Variants in VPS4A observed in about 807,000 individuals in gnomAD.
The protein encoded by VPS4A is vacuolar protein sorting-associated protein 4A.
VPS4A carries 20 observed loss-of-function variants against 52.3 expected under a neutral mutation model. The observed-to-expected ratio is 0.38, with a 90% CI of 0.27 to 0.56. VPS4A has a LOEUF of 0.56. Ranked by LOEUF, VPS4A falls within the 20% of genes least tolerant of loss-of-function variation. VPS4A has a pLI of 0.72. For missense variants in VPS4A, 419 were observed against 575.9 expected (o/e 0.73, Z 2.79); for synonymous variants, 293 against 227.7 (o/e 1.29, Z -2.58).
chr16:69,314,159 G>A (rs984275287), intron 1 of VPS4A, among the ~76,000 whole-genome samples: 4 of 151,906 alleles, frequency 2.6e-5, no homozygotes, highest in Non-Finnish European at 4.4e-5. Context: ...TAGAGATGGT[G>A]CTTCACTGTG....
intron 10 of VPS4A, chr16:69,323,603 G>A (rs1038870868): frequency 1.3e-5 from 6 of 455,766 alleles, no homozygotes; most frequent in Admixed American, 4.7e-5. Flanking sequence ...AGCCTGGCCC[G>A]TGCCATCCTG....
chr16:69,323,186 TG>T (rs1326547825), intron 10 of VPS4A: 1 of 162,950 alleles, frequency 6.1e-6, no homozygotes, highest in African/African-American at 2.4e-5. Flanking sequence ...ATTAGCATTT[TG>T]TACATACAGA....
At chr16:69,312,415 A>T (rs2051974565) in intron 1 of VPS4A, among the ~76,000 whole-genome samples, 1 of 152,012 alleles carries the variant, frequency 6.6e-6, no homozygotes, top group South Asian at 2.1e-4. Flanking sequence ...AGAGACCTGG[A>T]GGTGGAGGAG....
rs373049190 is a variant in VPS4A, at chr16:69,325,951, C to G, written c.*1642C>G. 5 of 152,558 alleles carry G rather than the reference C, an allele frequency of 3.3e-5. No individual in the cohort carries two copies. The highest frequency in any genetic ancestry group is 1.2e-4 in the African/African-American group (5 of 41,428). 9.5% of individuals were successfully genotyped at this position (152,558 alleles called of 1,614,324 possible). On this transcript the variant is annotated 3_prime_UTR_variant, in exon 11 of 11. Transcript: ENST00000254950. Reference sequence around the variant, plus strand: ...TTTCAGTTTGCGACCCCCAACAGACCAAGGACCCAGAGCTGGCAGCCCTGG... The same window carrying G: ...TTTCAGTTTGCGACCCCCAACAGACGAAGGACCCAGAGCTGGCAGCCCTGG...
In VPS4A at chr16:69,320,833, G is replaced by A; in HGVS notation, c.851+64G>A. On this transcript the variant is annotated intron_variant, in intron 8 of 10. Transcript: ENST00000254950. The surrounding 1 kb of genome is among the most constrained non-coding windows in gnomAD (Gnocchi z 4.2). ...CTCCCACCATGGTCACGGTCCGCCT[G>A]CTGCTGGCAGCCCGGGTGCAGCCTG... The A allele has an allele frequency of 4.0e-6, 6 of 1,496,522 alleles. No homozygotes were observed. Among genetic ancestry groups the A allele is most frequent in the Non-Finnish European group, 3.6e-6 (4 of 1,097,328 alleles). 92.7% of individuals were successfully genotyped at this position (1,496,522 alleles called of 1,614,324 possible). A position where few individuals can be genotyped will look rare whatever the true frequency, so the allele number is the denominator to read the frequency against.
At chr16:69,324,161 G>T in intron 10 of VPS4A, 47 bp from the exon 11 acceptor site, 1 of 1,586,542 alleles carries the variant, frequency 6.3e-7, no homozygotes, top group Non-Finnish European at 8.6e-7. Context: ...GGAGGTTGGG[G>T]ACCTGGAGCC....
Position 69,321,784 on chromosome 16 carries a change from A to C in VPS4A, c.1071+514A>C, listed in dbSNP as rs1473573241. On this transcript the variant is annotated intron_variant, in intron 9 of 10. Transcript: ENST00000254950. This position sits in a 1 kb window ranked among gnomAD's most constrained non-coding sequence, Gnocchi z 4.5. ...AGTCAGTGAGTGTCTCAGAGGATGG[A>C]GATGGAGCAGGGTTAGGAGAGAGGT... The C allele has an allele frequency of 5.7e-6, 1 of 176,618 alleles. No individual in the cohort carries two copies. Among genetic ancestry groups the C allele is most frequent in the East Asian group, 1.6e-4 (1 of 6,424 alleles). 10.9% of individuals were successfully genotyped at this position (176,618 alleles called of 1,614,324 possible).
chr16:69,322,836 A>T (rs999505139), intron 10 of VPS4A, 136 bp downstream of exon 10: 1 of 1,115,058 alleles, frequency 9.0e-7, no homozygotes. Flanking sequence ...TTGGGAGGCC[A>T]GGGTGGGCAG....
At chr16:69,323,965 AGAAAG>A (rs1567425674) in intron 10 of VPS4A, among the ~76,000 whole-genome samples, 82 of 151,106 alleles carry the variant, frequency 5.4e-4, no homozygotes, top group African/African-American at 1.9e-3. Flanking sequence ...AAAAAAAAAA[AGAAAG>A]CAAGTTCGTA....
At position 69,320,394 on chromosome 16, in the gene VPS4A, G is replaced by C; in HGVS notation, c.769+105G>C. ...ATTTGGTTGTTCTCAGCCTCGGAGA[G>C]GCACTCCCCAGCTCCAGCCCCTCAG... On this transcript the variant is annotated intron_variant, in intron 7 of 10. Transcript: ENST00000254950. This position sits in a 1 kb window ranked among gnomAD's most constrained non-coding sequence, Gnocchi z 4.2. 1.3e-6 allele frequency: 2 copies of C among 1,503,268 alleles called. No individual in the cohort carries two copies. The highest frequency in any genetic ancestry group is 1.8e-6 in the Non-Finnish European group (2 of 1,110,086). The allele number at this position is 1,503,268 out of a possible 1,614,324, so 93.1% of individuals were successfully genotyped here.
intron 10 of VPS4A, 102 bp from the exon 11 acceptor site, chr16:69,324,106 G>T: frequency 8.0e-7 from 1 of 1,248,648 alleles, no homozygotes; most frequent in Non-Finnish European, 1.1e-6. Context: ...TGGCCTTGAA[G>T]GCAAACCTCT....
chr16:69,317,801 A>C (rs1419485978), intron 3 of VPS4A, among the ~76,000 whole-genome samples: 1 of 151,764 alleles, frequency 6.6e-6, no homozygotes, highest in East Asian at 1.9e-4. Context: ...TTAAAAAAAA[A>C]ATTAGCCAGG....
Position 69,326,470 on chromosome 16 carries a change from C to CT in VPS4A, c.*2163dup, listed in dbSNP as rs1965597555. The CT allele has an allele frequency of 6.6e-6, 1 of 152,230 alleles. No individual in the cohort carries two copies. The highest frequency in any genetic ancestry group is 2.4e-5 in the African/African-American group (1 of 41,458). 9.4% of individuals were successfully genotyped at this position (152,230 alleles called of 1,614,324 possible). Reference sequence around the variant, plus strand: ...AAATTTTTACTTCTAGTTACATTTACTTGAATCAGAACGTTGTTTCCTCAT... The same window carrying CT: ...AAATTTTTACTTCTAGTTACATTTACTTTGAATCAGAACGTTGTTTCCTCAT... On this transcript the variant is annotated 3_prime_UTR_variant, in exon 11 of 11. Transcript: ENST00000254950.
At chr16:69,311,692 C>G (rs1268700094) in intron 1 of VPS4A, among the ~76,000 whole-genome samples, 160 bp downstream of exon 1, 2 of 152,048 alleles carry the variant, frequency 1.3e-5, no homozygotes, top group African/African-American at 2.4e-5. Flanking sequence ...GTGTCTGTTT[C>G]CACGCGCTCG....
chr16:69,324,086 G>A (rs1965551893), intron 10 of VPS4A, 122 bp from the exon 11 acceptor site: 2 of 876,546 alleles, frequency 2.3e-6, no homozygotes, highest in Non-Finnish European at 1.8e-6. Context: ...ATTCAAGCAG[G>A]CCTCTGGGGT....
At position 69,315,866 on chromosome 16, in the gene VPS4A, A is replaced by G. The variant is rs1012589395; in HGVS notation, c.22-142A>G. 3 of 668,220 alleles carry G rather than the reference A, an allele frequency of 4.5e-6. No individual in the cohort carries two copies. The African/African-American group carries it at 5.5e-5, about 12-fold the overall frequency. The allele number at this position is 668,220 out of a possible 1,614,324, so 41.4% of individuals were successfully genotyped here. A position where few individuals can be genotyped will look rare whatever the true frequency, so the allele number is the denominator to read the frequency against. On this transcript the variant is annotated intron_variant, in intron 1 of 10. Transcript: ENST00000254950. ...AAGGCCTTTCTAGCCGATGTTGAAA[A>G]AGTAGGCCAATGAAATGGCCCGCAA... is the stretch of plus-strand genomic sequence containing the variant.
Position 69,322,700 on chromosome 16 carries a change from G to A in VPS4A, c.1212G>A (p.Met404Ile), listed in dbSNP as rs1356077523. 3.7e-6 allele frequency: 6 copies of A among 1,612,278 alleles called. No individual in the cohort carries two copies. The highest frequency in any genetic ancestry group is 5.1e-6 in the Non-Finnish European group (6 of 1,178,878). Residue 404 changes from methionine to isoleucine, a missense_variant and splice_region_variant, in exon 10 of 11, where the codon ATG becomes ATA. Coordinates refer to ENST00000254950, the MANE Select transcript of VPS4A (RefSeq NM_013245.3). The part of the protein sequence containing the change: ...GDKLLEPVVC[M>I]SDMLRSLATT... ...AACTCTTAGAGCCTGTGGTTTGCAT[G>A]GTAAGTGACTTGACAGGGGAGGGAA...
intron 1 of VPS4A, among the ~76,000 whole-genome samples, chr16:69,314,421 GGT>G: frequency 6.6e-6 from 1 of 152,168 alleles, no homozygotes; most frequent in East Asian, 1.9e-4. Flanking sequence ...AGGTACTGGG[GGT>G]GTGTGTTCTG....
chr16:69,326,626 C>A lies in VPS4A; in HGVS notation c.*2317C>A, dbSNP rs963513403. 2 of 152,252 alleles carry A rather than the reference C, an allele frequency of 1.3e-5. No individual in the cohort carries two copies. Among genetic ancestry groups the A allele is most frequent in the African/African-American group, 4.8e-5 (2 of 41,448 alleles). 9.4% of individuals were successfully genotyped at this position (152,252 alleles called of 1,614,324 possible). The stretch of plus-strand genomic sequence containing the variant: ...AGTTGTCTCTCTCCATGACCAGCAA[C>A]AGGAACCACTGACGCTGAACTTTGG... On this transcript the variant is annotated 3_prime_UTR_variant, in exon 11 of 11. Transcript: ENST00000254950.
Sources: allele counts gnomAD v4.1 joint callset (sites outside exome capture counted in the v4.1 genomes callset), GRCh38; gene constraint gnomAD v4.1.1; non-coding constraint Gnocchi (gnomAD v3.1); transcripts MANE v1.5; gene names NCBI Gene and HGNC (gene_info 2026-07-23, HGNC 2026-07-21).